Variants in ESR1 observed in about 807,000 individuals in gnomAD.
The protein encoded by ESR1 is estrogen receptor 1, also known as estrogen receptor.
A neutral mutation model predicts 52.7 loss-of-function variants in ESR1; 12 were observed. The ratio of observed to expected loss-of-function variants is 0.23; its 90% CI spans 0.15 to 0.37. The LOEUF (loss-of-function observed/expected upper bound fraction) is 0.37. ESR1 is among the 10% of genes least tolerant of loss of function. The pLI is 1.00. For missense variants in ESR1, 584 were observed against 779.7 expected, an observed-to-expected ratio of 0.75 and a Z score of 2.99; for synonymous variants, 305 against 316.8, an observed-to-expected ratio of 0.96 and a Z score of 0.39.
exon 7 of ESR1, chr6:152,128,018 T>G (rs1157129979): frequency 6.6e-6 from 1 of 152,180 alleles, no homozygotes; most frequent in African/African-American, 2.4e-5. Context: ...ATTCTAAGCT[T>G]TAGAATGAAG....
rs575367861 is a variant in ESR1, at chr6:152,090,957, AT to A, written c.1370-3422del. On this transcript the variant is annotated intron_variant, in intron 6 of 7. Coordinates refer to ENST00000206249, the MANE Select transcript of ESR1 (RefSeq NM_000125.4). Reference sequence around the variant, plus strand: ...CTCAAGACTGGTTAATGACATATAGATTTTTTCTTGTTTCCATCTTTGGGAT... The same window carrying A: ...CTCAAGACTGGTTAATGACATATAGATTTTTCTTGTTTCCATCTTTGGGAT... 3.3e-5 allele frequency among the ~76,000 whole-genome samples: 5 copies of A among 152,224 alleles called. No homozygotes were observed. In the South Asian group the frequency reaches 1.0e-3, roughly 32 times the overall value.
At chr6:152,071,536 A>G (rs924906087) in intron 6 of ESR1, among the ~76,000 whole-genome samples, 1 of 152,198 alleles carries the variant, frequency 6.6e-6, no homozygotes, top group African/African-American at 2.4e-5. Flanking sequence ...CGTCTACCTC[A>G]TAGGGCTATT....
At chr6:151,982,065 C>T (rs1040268006) in intron 4 of ESR1, among the ~76,000 whole-genome samples, 1 of 152,240 alleles carries the variant, frequency 6.6e-6, no homozygotes, top group African/African-American at 2.4e-5. Context: ...TTCATTCACT[C>T]TGTTTAATTC....
chr6:151,776,336 T>A (rs1321570848), intron 2 of ESR1, among the ~76,000 whole-genome samples: 1 of 152,198 alleles, frequency 6.6e-6, no homozygotes, highest in Non-Finnish European at 1.5e-5. Context: ...GCAAGACCAG[T>A]GGTTCTTCCA....
At chr6:151,754,410 A>G (rs1784128433) in intron 2 of ESR1, among the ~76,000 whole-genome samples, 1 of 152,136 alleles carries the variant, frequency 6.6e-6, no homozygotes. Flanking sequence ...TTTATGAAAC[A>G]AAGGACAATC....
chr6:152,019,527 G>A (rs573630396), intron 5 of ESR1, among the ~76,000 whole-genome samples: 9 of 152,202 alleles, frequency 5.9e-5, no homozygotes, highest in Non-Finnish European at 1.2e-4. Flanking sequence ...TTACTCCAGA[G>A]GGAAAGGCGT....
At chr6:151,899,252 G>C (rs1796130467) in intron 3 of ESR1, among the ~76,000 whole-genome samples, 2 of 142,212 alleles carry the variant, frequency 1.4e-5, no homozygotes, top group Admixed American at 1.4e-4. Flanking sequence ...CAGGCGGGGG[G>C]CTGAACCCCC....
intron 1 of ESR1, among the ~76,000 whole-genome samples, chr6:151,696,606 CA>C (rs145665365): frequency 0.041 from 6,223 of 152,246 alleles, 175 homozygotes; most frequent in South Asian, 0.12. Context: ...GTGTTTGGCA[CA>C]TAATTGTAGA....
chr6:151,921,934 T>C (rs1181513484), intron 3 of ESR1, among the ~76,000 whole-genome samples: 2 of 152,214 alleles, frequency 1.3e-5, no homozygotes, highest in African/African-American at 4.8e-5. Context: ...AGAAGATCTT[T>C]AGTTTAATTA....
chr6:152,045,645 G>A (rs1389828857), intron 5 of ESR1, among the ~76,000 whole-genome samples: 2 of 152,118 alleles, frequency 1.3e-5, no homozygotes, highest in Non-Finnish European at 2.9e-5. Flanking sequence ...TAGATATCTA[G>A]TACCAAGACT....
At chr6:151,690,410 C>T (rs1040590421), upstream of ESR1, 2 of 152,194 alleles carry the variant, frequency 1.3e-5, no homozygotes, top group African/African-American at 4.8e-5. Context: ...GCCACCCCCT[C>T]CTCTATTTTT....
intron 2 of ESR1, among the ~76,000 whole-genome samples, chr6:151,724,567 C>T (rs1482913633): frequency 1.4e-5 from 2 of 147,644 alleles, no homozygotes; most frequent in African/African-American, 2.5e-5. Context: ...GTCACACACC[C>T]AAACAATCAC....
rs2152507062 is a variant in ESR1 at position 152,098,889 on chromosome 6, G to A, written c.1711G>A (p.Ala571Thr). Residue 571 changes from alanine to threonine, a missense_variant, in exon 8 of 8, where the codon GCG becomes ACG. Physicochemically the swap from Ala to Thr is moderately conservative, Grantham distance 58. Coordinates refer to ENST00000206249, the MANE Select transcript of ESR1 (RefSeq NM_000125.4). The surrounding 1 kb of genome is among the most constrained non-coding windows in gnomAD (Gnocchi z 5.1). ...EETDQSHLAT[A>T]GSTSSHSLQK... Reference sequence around the variant, plus strand: ...GACGGACCAAAGCCACTTGGCCACTGCGGGCTCTACTTCATCGCATTCCTT... The same window carrying A: ...GACGGACCAAAGCCACTTGGCCACTACGGGCTCTACTTCATCGCATTCCTT... 3.1e-6 allele frequency: 5 copies of A among 1,614,202 alleles called. No homozygotes were observed. Among genetic ancestry groups the A allele is most frequent in the Non-Finnish European group, 4.2e-6 (5 of 1,180,028 alleles).
At chr6:151,687,630 C>A (rs1189017403), upstream of ESR1, among the ~76,000 whole-genome samples, 5 of 152,116 alleles carry the variant, frequency 3.3e-5, no homozygotes, top group African/African-American at 1.2e-4. Context: ...CTTGAACAAC[C>A]CAGACAGATT....
chr6:152,022,798 C>T (rs942458225), intron 5 of ESR1, among the ~76,000 whole-genome samples: 5 of 134,936 alleles, frequency 3.7e-5, no homozygotes, highest in East Asian at 2.3e-4. Context: ...ATGGAGAAAC[C>T]CTGTCTCTAC....
At chr6:151,875,121 G>C (rs1030302269) in intron 2 of ESR1, among the ~76,000 whole-genome samples, 3 of 152,232 alleles carry the variant, frequency 2.0e-5, no homozygotes, top group Admixed American at 6.5e-5. Flanking sequence ...AAAACGGAAA[G>C]AGTAGTGAGG....
chr6:151,819,305 G>T (rs1205606642), intron 1 of ESR1, among the ~76,000 whole-genome samples: 2 of 152,120 alleles, frequency 1.3e-5, no homozygotes, highest in East Asian at 1.9e-4. Context: ...CTATGGAATA[G>T]ATTTTATTAA....
chr6:152,082,478 T>C (rs2049309968), intron 6 of ESR1, among the ~76,000 whole-genome samples: 1 of 152,188 alleles, frequency 6.6e-6, no homozygotes, highest in South Asian at 2.1e-4. Flanking sequence ...TAATAAGAGC[T>C]ATTTATGACA....
chr6:151,986,521 G>T (rs1339267108), intron 4 of ESR1, among the ~76,000 whole-genome samples: 1 of 152,044 alleles, frequency 6.6e-6, no homozygotes, highest in Non-Finnish European at 1.5e-5. Flanking sequence ...TATAAAAGTG[G>T]CAATAAAATG....
Sources: gnomAD v4.1 joint callset for allele counts (sites outside exome capture counted in the v4.1 genomes callset) on GRCh38, gnomAD v4.1.1 for gene constraint, Gnocchi (gnomAD v3.1) non-coding constraint, MANE v1.5 for transcripts, NCBI Gene and HGNC (gene_info 2026-07-23, HGNC 2026-07-21) for gene names.